The following ANKRD23 variants were observed in gnomAD, a reference collection of about 807,000 sequenced individuals.
ANKRD23 encodes ankyrin repeat domain-containing protein 23.
A neutral mutation model predicts 38.1 loss-of-function variants in ANKRD23; 52 were observed. The observed-to-expected ratio is 1.36, with a 90% CI of 1.09 to 1.72. ANKRD23 has a LOEUF of 1.72. Among genes scored for constraint, ANKRD23 ranks in the 40% most tolerant of loss-of-function variants. The pLI, the probability that ANKRD23 is intolerant of heterozygous loss-of-function variation, is 0.00. For missense variants in ANKRD23, 416 were observed against 400.2 expected, an observed-to-expected ratio of 1.04 and a Z score of -0.34; for synonymous variants, 167 against 162.9, an observed-to-expected ratio of 1.03 and a Z score of -0.19.
At position 96,839,270 on chromosome 2, in the gene ANKRD23, G is replaced by A; in HGVS notation, c.*279C>T. 2 of 1,194,628 alleles carry A rather than the reference G, an allele frequency of 1.7e-6. No individual in the cohort carries two copies. The highest frequency in any genetic ancestry group is 2.1e-6 in the Non-Finnish European group (2 of 964,560). The allele number at this position is 1,194,628 out of a possible 1,614,324, so 74.0% of individuals were successfully genotyped here. A position where few individuals can be genotyped will look rare whatever the true frequency, so the allele number is the denominator to read the frequency against. On this transcript the variant is annotated 3_prime_UTR_variant, in exon 9 of 9. Coordinates refer to ENST00000318357, the MANE Select transcript of ANKRD23 (RefSeq NM_144994.8). ...TGGCCCTCACTCTCCTCCCCTTCCT[G>A]GCCCTCATCTGGACCCGCGCTTTCT... is the stretch of plus-strand genomic sequence containing the variant.
intron 3 of ANKRD23, among the ~76,000 whole-genome samples, chr2:96,841,853 A>G (rs1199800214): frequency 6.6e-6 from 1 of 152,212 alleles, no homozygotes; most frequent in Non-Finnish European, 1.5e-5. Flanking sequence ...GAGGTGACAC[A>G]TGCCTGCTGT....
chr2:96,840,976 C>T, intron 3 of ANKRD23, 64 bp from the exon 4 acceptor site: 5 of 1,586,806 alleles, frequency 3.2e-6, no homozygotes, highest in Non-Finnish European at 4.3e-6. Flanking sequence ...GATGTCACAG[C>T]TTCACCAGTC....
At position 96,838,546 on chromosome 2, in the gene ANKRD23, G is replaced by A. The variant is rs558667204; in HGVS notation, c.*1003C>T. The A allele has an allele frequency of 1.0e-4, 102 of 985,890 alleles. 1 individual carries two copies. The South Asian group carries it at 4.5e-3, about 44-fold the overall frequency. 61.1% of individuals were successfully genotyped at this position (985,890 alleles called of 1,614,324 possible). A position where few individuals can be genotyped will look rare whatever the true frequency, so the allele number is the denominator to read the frequency against. ...TGGGTTCAGAGCTCCTCAGTGTCCT[G>A]GCCTCCCAGGTGGGATCAAGCAGGG... On this transcript the variant is annotated 3_prime_UTR_variant, in exon 9 of 9. Transcript: ENST00000318357.
At chr2:96,841,081 CTGTG>C (rs1173483792) in intron 3 of ANKRD23, 169 bp from the exon 4 acceptor site, 25 of 779,136 alleles carry the variant, frequency 3.2e-5, no homozygotes, top group African/African-American at 5.3e-5. Flanking sequence ...ATTGAATAGA[CTGTG>C]TGTGTGTGAG....
chr2:96,843,145 G>A (rs2079779795), intron 1 of ANKRD23, among the ~76,000 whole-genome samples: 2 of 152,222 alleles, frequency 1.3e-5, no homozygotes, highest in African/African-American at 4.8e-5. Flanking sequence ...GGGGAGCACT[G>A]AGGAATCAGC....
intron 2 of ANKRD23, 25 bp downstream of exon 2, chr2:96,842,340 A>AACCCCCCCC: frequency 6.8e-7 from 1 of 1,462,822 alleles, no homozygotes. Flanking sequence ...ACTGCCCCCA[A>AACCCCCCCC]CCCCGGCCCC....
intron 1 of ANKRD23, 49 bp from the exon 2 acceptor site, chr2:96,842,560 TTAGAAAACAGAGC>T: frequency 6.4e-7 from 1 of 1,573,340 alleles, no homozygotes; most frequent in Non-Finnish European, 8.6e-7. Flanking sequence ...GGAGGAACCC[TTAGAAAACAGAGC>T]TGTGGAGTAG....
At chr2:96,841,751 C>T (rs942831575) in intron 3 of ANKRD23, among the ~76,000 whole-genome samples, 7 of 152,186 alleles carry the variant, frequency 4.6e-5, no homozygotes, top group Non-Finnish European at 8.8e-5. Flanking sequence ...CACCAGAAGC[C>T]GGAGAGGCAT....
At position 96,840,924 on chromosome 2, in the gene ANKRD23, GAAGAC is replaced by G. The variant is rs770213852; in HGVS notation, c.301-17_301-13del. The stretch of plus-strand genomic sequence containing the variant: ...GCCTGGGACTGCGGCTGGTTCAGTT[GAAGAC>G]AAGACCAAATCACTCCCGAAGGCCG... On this transcript the variant is annotated splice_polypyrimidine_tract_variant and intron_variant, in intron 3 of 8. Transcript: ENST00000318357. The G allele has an allele frequency of 6.2e-7, 1 of 1,613,424 alleles. No homozygotes were observed. The highest frequency in any genetic ancestry group is 2.2e-5 in the East Asian group (1 of 44,888).
chr2:96,843,452 C>T (rs2079782423), intron 1 of ANKRD23, among the ~76,000 whole-genome samples: 1 of 152,176 alleles, frequency 6.6e-6, no homozygotes, highest in African/African-American at 2.4e-5. Context: ...GGACCTCTGG[C>T]CATTTCCAGA....
At chr2:96,841,031 C>T (rs941422203) in intron 3 of ANKRD23, 119 bp from the exon 4 acceptor site, 19 of 1,237,756 alleles carry the variant, frequency 1.5e-5, no homozygotes, top group East Asian at 1.5e-4. Flanking sequence ...ACTGCTGGCT[C>T]GTACTAATGC....
chr2:96,840,109 G>A lies in ANKRD23; in HGVS notation c.625-14C>T, dbSNP rs757645814. ...GGTGCTCCCGATCTGAGAGCAAGTG[G>A]GGGTCAGTGCTGGGTCTGGATTGGT... On this transcript the variant is annotated splice_polypyrimidine_tract_variant and intron_variant, in intron 6 of 8. Transcript: ENST00000318357. 4.3e-5 allele frequency: 67 copies of A among 1,551,658 alleles called. No homozygotes were observed. Among genetic ancestry groups the A allele is most frequent in the Non-Finnish European group, 5.5e-5 (63 of 1,147,112 alleles).
At chr2:96,839,686 C>T in intron 8 of ANKRD23, 41 bp downstream of exon 8, 2 of 1,593,816 alleles carry the variant, frequency 1.3e-6, no homozygotes, top group Middle Eastern at 1.7e-4. Context: ...AGGCGCTCCA[C>T]CCGCCCTCGG....
At position 96,842,598 on chromosome 2, in the gene ANKRD23, A is replaced by G. The variant is rs550831138; in HGVS notation, c.28-87T>C. The G allele has an allele frequency of 2.3e-4, 334 of 1,475,492 alleles. 3 individuals are homozygous for G. In the East Asian group the frequency reaches 6.9e-3, roughly 31 times the overall value. The allele number at this position is 1,475,492 out of a possible 1,614,324, so 91.4% of individuals were successfully genotyped here. ...CTGTGGAGTAGCAGGGAGCTGTCTT[A>G]TAAGGGCAGATGTCACAAGGCTGGT... is the stretch of plus-strand genomic sequence containing the variant. On this transcript the variant is annotated intron_variant, in intron 1 of 8. Coordinates refer to ENST00000318357, the MANE Select transcript of ANKRD23 (RefSeq NM_144994.8).
chr2:96,839,905 G>T, intron 7 of ANKRD23, 80 bp from the exon 8 acceptor site: 1 of 1,546,232 alleles, frequency 6.5e-7, no homozygotes, highest in Non-Finnish European at 8.8e-7. Flanking sequence ...TGCTGTCACC[G>T]AGCAGACAGC....
rs1309199224 is a variant in ANKRD23, at chr2:96,840,895, C to T, written c.318G>A (p.Gln106=). The T allele has an allele frequency of 1.2e-6, 2 of 1,614,184 alleles. No homozygotes were observed. Among genetic ancestry groups the T allele is most frequent in the Non-Finnish European group, 1.7e-6 (2 of 1,180,022 alleles). The stretch of plus-strand genomic sequence containing the variant: ...ACATCTCCAGGCCCACAGGCTCCAC[C>T]TGGGCCTGGGACTGCGGCTGGTTCA... ...EPLVKPQSQA[Q]VEPVGLEMFL... Residue 106 remains glutamine, a synonymous_variant, in exon 4 of 9, where the codon CAG becomes CAA. Transcript: ENST00000318357.
chr2:96,841,878 C>T (rs544352425), intron 3 of ANKRD23, among the ~76,000 whole-genome samples, 182 bp downstream of exon 3: 2 of 152,362 alleles, frequency 1.3e-5, no homozygotes, highest in South Asian at 4.1e-4. Context: ...GCTGTCCAGG[C>T]TGTGGGACTT....
intron 2 of ANKRD23, 49 bp downstream of exon 2, chr2:96,842,316 C>A: frequency 6.2e-7 from 1 of 1,605,148 alleles, no homozygotes. Context: ...CTCAGCCGGC[C>A]TCAGGGATTA....
chr2:96,843,995 TC>T lies in ANKRD23; in HGVS notation c.-4del. 1.3e-6 allele frequency: 2 copies of T among 1,599,376 alleles called. No individual in the cohort carries two copies. The highest frequency in any genetic ancestry group is 1.7e-6 in the Non-Finnish European group (2 of 1,173,354). ...TGCTGAATGCTGATGAAGTCCATGGTCCCCCCTGTTCCTCACACCCCCCAGT... is the reference window on the plus strand; with the variant it reads ...TGCTGAATGCTGATGAAGTCCATGGTCCCCCTGTTCCTCACACCCCCCAGT... On this transcript the variant is annotated 5_prime_UTR_variant, in exon 1 of 9. Transcript: ENST00000318357.
Sources: allele counts gnomAD v4.1 joint callset (sites outside exome capture counted in the v4.1 genomes callset), GRCh38; gene constraint gnomAD v4.1.1; transcripts MANE v1.5; gene names NCBI Gene and HGNC (gene_info 2026-07-23, HGNC 2026-07-21).